The following MNAT1 variants were observed in gnomAD, a reference collection of about 807,000 sequenced individuals.
The protein encoded by MNAT1 is CDK-activating kinase assembly factor MAT1.
A neutral mutation model predicts 42.0 loss-of-function variants in MNAT1; 43 were observed. The observed-to-expected ratio is 1.02, with a 90% CI of 0.80 to 1.32. The LOEUF (loss-of-function observed/expected upper bound fraction) is 1.32, where lower values mean the gene tolerates loss of function less well. MNAT1 is among the 40% of genes most tolerant of loss of function. MNAT1 has a pLI of 0.00. For missense variants in MNAT1, 306 were observed against 350.4 expected, an observed-to-expected ratio of 0.87 and a Z score of 1.01; for synonymous variants, 118 against 120.0, an observed-to-expected ratio of 0.98 and a Z score of 0.11.
chr14:60,842,517 A>G (rs979077348), intron 6 of MNAT1, among the ~76,000 whole-genome samples: 1 of 152,128 alleles, frequency 6.6e-6, no homozygotes, highest in African/African-American at 2.4e-5. Context: ...CTGTTACTCA[A>G]TTTCTGGAAA....
chr14:60,803,265 GCTTT>G (rs1238104198), intron 3 of MNAT1, among the ~76,000 whole-genome samples: 1 of 152,090 alleles, frequency 6.6e-6, no homozygotes, highest in African/African-American at 2.4e-5. Context: ...TGTTTCAATA[GCTTT>G]CTATTTTGTG....
intron 6 of MNAT1, among the ~76,000 whole-genome samples, chr14:60,874,144 T>C (rs2034387013): frequency 6.6e-6 from 1 of 152,208 alleles, no homozygotes; most frequent in African/African-American, 2.4e-5. Flanking sequence ...TCTCTTTTCA[T>C]ATTAAACATT....
At chr14:60,949,678 A>G (rs1009016049) in intron 7 of MNAT1, among the ~76,000 whole-genome samples, 3 of 152,186 alleles carry the variant, frequency 2.0e-5, no homozygotes, top group Non-Finnish European at 4.4e-5. Flanking sequence ...TCCAAATGAT[A>G]TTTAACCAAC....
intron 1 of MNAT1, among the ~76,000 whole-genome samples, chr14:60,748,335 AT>A (rs1259625743): frequency 1.3e-5 from 2 of 152,086 alleles, no homozygotes; most frequent in African/African-American, 4.8e-5. Flanking sequence ...GGCTTAAGCA[AT>A]CCTTCAGCTG....
intron 6 of MNAT1, among the ~76,000 whole-genome samples, chr14:60,843,310 G>A (rs768974373): frequency 4.0e-5 from 6 of 151,598 alleles, no homozygotes; most frequent in East Asian, 3.9e-4. Context: ...TCGCTCTGTC[G>A]CCCAGGCTGG....
In MNAT1 at chr14:60,810,012, T is replaced by C. The variant is rs563606853; in HGVS notation, c.420+1584T>C. 1.5e-4 allele frequency among the ~76,000 whole-genome samples: 23 copies of C among 152,290 alleles called. No homozygotes were observed. The South Asian group carries it at 4.6e-3, about 30-fold the overall frequency. ...TTAGGAGGTGTGATTACTGATTCAG[T>C]GTCCATACTAGTTCTAGGTCTTTTC... is the stretch of plus-strand genomic sequence containing the variant. On this transcript the variant is annotated intron_variant, in intron 4 of 7. Transcript: ENST00000261245.
chr14:60,794,081 G>A (rs1054064143), intron 1 of MNAT1, among the ~76,000 whole-genome samples: 1 of 152,138 alleles, frequency 6.6e-6, no homozygotes, highest in African/African-American at 2.4e-5. Context: ...TATTGATTGA[G>A]TCTAATCTCC....
At chr14:60,763,106 TTAAAC>T (rs1453027404) in intron 1 of MNAT1, among the ~76,000 whole-genome samples, 1 of 151,978 alleles carries the variant, frequency 6.6e-6, no homozygotes. Flanking sequence ...TTTTCTCCAG[TTAAAC>T]TAAATTAGGG....
chr14:60,844,141 C>T (rs1307414569), intron 6 of MNAT1, among the ~76,000 whole-genome samples: 1 of 116,266 alleles, frequency 8.6e-6, no homozygotes, highest in Non-Finnish European at 1.9e-5. Flanking sequence ...AATAACTTAT[C>T]TTGATTACTA....
At chr14:60,919,472 CATGCAGAAT>C (rs2035605463) in intron 7 of MNAT1, 1 of 154,382 alleles carries the variant, frequency 6.5e-6, no homozygotes, top group African/African-American at 2.4e-5. Flanking sequence ...GAAAGAGTGG[CATGCAGAAT>C]TGCTGCGTCT....
intron 1 of MNAT1, among the ~76,000 whole-genome samples, chr14:60,735,943 C>T (rs1896293428): frequency 1.3e-5 from 2 of 152,086 alleles, no homozygotes; most frequent in African/African-American, 2.4e-5. Flanking sequence ...ACAAGGTCTC[C>T]TCCCAACCCC....
In MNAT1 at chr14:60,912,991, A is replaced by G. The variant is rs139013883; in HGVS notation, c.809+33156A>G. 6.6e-5 allele frequency among the ~76,000 whole-genome samples: 10 copies of G among 152,246 alleles called. No individual in the cohort carries two copies. In the East Asian group the frequency reaches 1.9e-3, roughly 29 times the overall value. ...TTAGATGTACATTTGGTCTTTTCAC[A>G]TAGTCACATATTTCTTGGAGGCTTT... is the stretch of plus-strand genomic sequence containing the variant. On this transcript the variant is annotated intron_variant, in intron 7 of 7. Coordinates refer to ENST00000261245, the MANE Select transcript of MNAT1 (RefSeq NM_002431.4).
chr14:60,764,256 C>T (rs1487656958), intron 1 of MNAT1, among the ~76,000 whole-genome samples: 1 of 152,074 alleles, frequency 6.6e-6, no homozygotes, highest in Non-Finnish European at 1.5e-5. Context: ...TGTTGAAGCT[C>T]AAAAATAAAA....
At chr14:60,871,394 A>G (rs2034320623) in intron 6 of MNAT1, among the ~76,000 whole-genome samples, 3 of 152,192 alleles carry the variant, frequency 2.0e-5, no homozygotes, top group Admixed American at 1.3e-4. Context: ...GCATCATTGT[A>G]TACTCTCATC....
rs1369789974 is a variant in MNAT1 at position 60,824,340 on chromosome 14, T to TTATAA, written c.687+5493_687+5494insTATAA. Reference sequence around the variant, plus strand: ...TTGCCTACCTTGTTTGTCATATGTGTACTAGCTATTAGGTTATAAACATCT... The same window carrying TTATAA: ...TTGCCTACCTTGTTTGTCATATGTGTTATAAACTAGCTATTAGGTTATAAACATCT... On this transcript the variant is annotated intron_variant, in intron 6 of 7. Coordinates refer to ENST00000261245, the MANE Select transcript of MNAT1 (RefSeq NM_002431.4). Among the ~76,000 whole-genome samples, 30 of 152,320 alleles carry TTATAA rather than the reference T, an allele frequency of 2.0e-4. No homozygotes were observed. In the East Asian group the frequency reaches 5.6e-3, roughly 28 times the overall value.
At chr14:60,874,865 G>GT (rs1252251203) in intron 6 of MNAT1, among the ~76,000 whole-genome samples, 42 of 152,206 alleles carry the variant, frequency 2.8e-4, no homozygotes, top group Non-Finnish European at 1.5e-5. Context: ...CATGTGACCT[G>GT]TTAAGCCATT....
intron 6 of MNAT1, among the ~76,000 whole-genome samples, chr14:60,821,952 C>T (rs1200547067): frequency 6.6e-6 from 1 of 151,948 alleles, no homozygotes. Flanking sequence ...AATGTACAGC[C>T]AAAATAAAAA....
At chr14:60,889,565 CA>C (rs763439969) in intron 7 of MNAT1, among the ~76,000 whole-genome samples, 92 of 151,690 alleles carry the variant, frequency 6.1e-4, no homozygotes, top group African/African-American at 2.0e-3. Flanking sequence ...TCTAAAACAC[CA>C]AAAAAAATGG....
chr14:60,828,498 A>G (rs1158674187), intron 6 of MNAT1, among the ~76,000 whole-genome samples: 1 of 151,616 alleles, frequency 6.6e-6, no homozygotes, highest in Non-Finnish European at 1.5e-5. Flanking sequence ...TGCTGCACAT[A>G]TCCAGCACAG....
Sources: allele counts gnomAD v4.1 joint callset (sites outside exome capture counted in the v4.1 genomes callset), GRCh38; gene constraint gnomAD v4.1.1; transcripts MANE v1.5; gene names NCBI Gene and HGNC (gene_info 2026-07-23, HGNC 2026-07-21).